The following CTNNA2 variants were observed in gnomAD, a reference collection of about 807,000 sequenced individuals.
CTNNA2 encodes the protein catenin alpha 2.
Under a neutral mutation model 101.0 loss-of-function variants are expected in CTNNA2, and 42 were observed. The ratio of observed to expected loss-of-function variants is 0.42; its 90% CI spans 0.32 to 0.54. CTNNA2 has a LOEUF of 0.54. Among genes scored for constraint, CTNNA2 ranks in the 20% least tolerant of loss-of-function variants. CTNNA2 has a pLI of 0.14. For synonymous variants in CTNNA2, 450 were observed against 456.4 expected (o/e 0.99, Z 0.18); for missense variants, 871 against 1,223.1 (o/e 0.71, Z 4.29).
chr2:79,380,569 TTGATTACCCTTC>T (rs1457702197), intron 4 of CTNNA2, among the ~76,000 whole-genome samples: 1 of 152,152 alleles, frequency 6.6e-6, no homozygotes, highest in East Asian at 1.9e-4. Context: ...ATTTCAAGCT[TTGATTACCCTTC>T]CATCGGAGAT....
intron 7 of CTNNA2, among the ~76,000 whole-genome samples, chr2:79,916,801 C>T (rs7581317): frequency 0.6 from 90,612 of 151,016 alleles, 27,534 homozygotes; most frequent in East Asian, 0.78. Flanking sequence ...TTTTTGAATT[C>T]TTAGTAGAGA....
At chr2:80,635,613 GAT>G (rs373551803) in intron 18 of CTNNA2, among the ~76,000 whole-genome samples, 14 of 152,176 alleles carry the variant, frequency 9.2e-5, no homozygotes, top group African/African-American at 3.1e-4. Flanking sequence ...AGGTAGAAGT[GAT>G]ATTAATATAC....
intron 4 of CTNNA2, among the ~76,000 whole-genome samples, chr2:79,416,678 G>A (rs1266446017): frequency 6.6e-6 from 1 of 151,858 alleles, no homozygotes; most frequent in African/African-American, 2.4e-5. Flanking sequence ...ATAAACACCT[G>A]GGTTAACAGT....
intron 9 of CTNNA2, among the ~76,000 whole-genome samples, chr2:80,535,264 A>T (rs1233891403): frequency 6.6e-6 from 1 of 152,108 alleles, no homozygotes; most frequent in Admixed American, 6.6e-5. Flanking sequence ...CATAAGTAAT[A>T]TTTTACTTGT....
At chr2:80,438,330 A>G (rs1682228715) in intron 9 of CTNNA2, among the ~76,000 whole-genome samples, 1 of 152,122 alleles carries the variant, frequency 6.6e-6, no homozygotes, top group African/African-American at 2.4e-5. Flanking sequence ...TAATACAATT[A>G]TGGAGTTAGG....
chr2:79,823,629 C>T (rs556252581), intron 3 of CTNNA2, among the ~76,000 whole-genome samples: 5 of 152,218 alleles, frequency 3.3e-5, no homozygotes, highest in South Asian at 4.2e-4. Context: ...CTTAAAAATT[C>T]GTAGATTCTG....
At chr2:79,752,169 AGAG>A (rs893070831) in intron 3 of CTNNA2, among the ~76,000 whole-genome samples, 2 of 152,112 alleles carry the variant, frequency 1.3e-5, no homozygotes, top group African/African-American at 2.4e-5. Context: ...GCCAATAGAG[AGAG>A]GAGAACAGAG....
At chr2:80,347,963 G>A (rs955399872) in intron 7 of CTNNA2, among the ~76,000 whole-genome samples, 4 of 151,744 alleles carry the variant, frequency 2.6e-5, no homozygotes, top group African/African-American at 7.3e-5. Flanking sequence ...CAGTCAGAGT[G>A]CCCGATTTTA....
In CTNNA2 at chr2:80,458,169, AT is replaced by A. The variant is rs149897703; in HGVS notation, c.1290+38577del. Among the ~76,000 whole-genome samples the A allele has an allele frequency of 3.2e-4, 49 of 151,736 alleles. No homozygotes were observed. In the South Asian group the frequency reaches 8.1e-3, roughly 25 times the overall value. ...CTTTGAAGAAATAAATAAACCTTCGATTTTTTTTTAGAAATATTTAGAGTAA... is the reference window on the plus strand; with the variant it reads ...CTTTGAAGAAATAAATAAACCTTCGATTTTTTTTAGAAATATTTAGAGTAA... On this transcript the variant is annotated intron_variant, in intron 9 of 18. Coordinates refer to ENST00000402739, the MANE Select transcript of CTNNA2 (RefSeq NM_001282597.3).
chr2:79,795,569 A>G (rs572790897), intron 3 of CTNNA2, among the ~76,000 whole-genome samples: 10 of 152,300 alleles, frequency 6.6e-5, no homozygotes, highest in African/African-American at 2.4e-4. Context: ...AAAAGAAATT[A>G]TTAGCAATTG....
intron 4 of CTNNA2, among the ~76,000 whole-genome samples, chr2:79,465,141 A>G (rs1670919605): frequency 6.6e-6 from 1 of 152,184 alleles, no homozygotes; most frequent in Non-Finnish European, 1.5e-5. Flanking sequence ...TCTTTAATCC[A>G]TCTTGAATTA....
chr2:80,627,658 G>T (rs1671822494), intron 18 of CTNNA2, among the ~76,000 whole-genome samples: 1 of 152,068 alleles, frequency 6.6e-6, no homozygotes, highest in Non-Finnish European at 1.5e-5. Context: ...TTTGTAGGTT[G>T]CATGTTCACT....
At chr2:79,693,327 A>G (rs1172902542) in intron 2 of CTNNA2, among the ~76,000 whole-genome samples, 1 of 152,022 alleles carries the variant, frequency 6.6e-6, no homozygotes, top group African/African-American at 2.4e-5. Context: ...TTTATTATGA[A>G]AATTTTTCAA....
intron 3 of CTNNA2, among the ~76,000 whole-genome samples, chr2:79,750,294 C>T (rs917581773): frequency 6.6e-6 from 1 of 152,166 alleles, no homozygotes; most frequent in Non-Finnish European, 1.5e-5. Context: ...ACTAGAATCA[C>T]CTGGGAAGAT....
chr2:80,288,960 C>G (rs1455164449), intron 7 of CTNNA2: 3 of 152,030 alleles, frequency 2.0e-5, no homozygotes, highest in Non-Finnish European at 4.4e-5. Flanking sequence ...TCTCATGGGC[C>G]GACAGATATG....
intron 4 of CTNNA2, among the ~76,000 whole-genome samples, chr2:79,859,953 G>A (rs762191250): frequency 6.6e-6 from 1 of 152,134 alleles, no homozygotes; most frequent in Non-Finnish European, 1.5e-5. Flanking sequence ...TTCCTGTGGA[G>A]CACTTATCCC....
At chr2:80,583,593 TA>T (rs940702713) in intron 14 of CTNNA2, among the ~76,000 whole-genome samples, 1 of 152,174 alleles carries the variant, frequency 6.6e-6, no homozygotes, top group Non-Finnish European at 1.5e-5. Context: ...TCAGTATACA[TA>T]CAGCCTAGTA....
At chr2:79,800,464 C>T (rs577682299) in intron 3 of CTNNA2, among the ~76,000 whole-genome samples, 5 of 152,192 alleles carry the variant, frequency 3.3e-5, no homozygotes, top group Non-Finnish European at 5.9e-5. Context: ...TTTGTCAATA[C>T]CTCAGTAATA....
chr2:79,387,846 C>T (rs899441080), intron 4 of CTNNA2, among the ~76,000 whole-genome samples: 4 of 152,080 alleles, frequency 2.6e-5, no homozygotes, highest in African/African-American at 9.7e-5. Context: ...CCATTGAGAA[C>T]TGAAAGATGA....
Sources: allele counts gnomAD v4.1 joint callset (sites outside exome capture counted in the v4.1 genomes callset), GRCh38; gene constraint gnomAD v4.1.1; transcripts MANE v1.5; gene names NCBI Gene and HGNC (gene_info 2026-07-23, HGNC 2026-07-21).